Variants in CSMD1 observed in about 807,000 individuals in gnomAD.
CSMD1 encodes the protein CUB and Sushi multiple domains 1.
A neutral mutation model predicts 417.5 loss-of-function variants in CSMD1; 213 were observed. That is an observed-to-expected ratio of 0.51 (90% CI 0.46 to 0.57). The LOEUF (loss-of-function observed/expected upper bound fraction) is 0.57. CSMD1 is among the 20% of genes least tolerant of loss of function. The probability of loss-of-function intolerance (pLI) is 0.00; values close to 1 mark genes in which losing one functional copy is unlikely to be tolerated. For missense variants in CSMD1, 6,923 were observed against 4,529.7 expected (o/e 1.53, Z -15.17); for synonymous variants, 2,862 against 1,736.8 (o/e 1.65, Z -16.11).
chr8:4,957,540 A>T (rs2117315277), intron 1 of CSMD1, among the ~76,000 whole-genome samples: 1 of 152,334 alleles, frequency 6.6e-6, no homozygotes, highest in South Asian at 2.1e-4. Context: ...CTTATATGAG[A>T]AATTCATTGT....
intron 5 of CSMD1, among the ~76,000 whole-genome samples, chr8:3,882,145 C>A (rs1268147236): frequency 1.3e-5 from 2 of 151,944 alleles, no homozygotes; most frequent in Non-Finnish European, 2.9e-5. Flanking sequence ...ACAATTGGCT[C>A]CTCCACCAAG....
chr8:3,227,292 T>A (rs137862712), intron 27 of CSMD1, among the ~76,000 whole-genome samples: 1 of 142,886 alleles, frequency 7.0e-6, no homozygotes, highest in Admixed American at 7.3e-5. Context: ...TCCCAGCTAC[T>A]TGGGAGGCTG....
intron 3 of CSMD1, among the ~76,000 whole-genome samples, chr8:4,295,748 G>GTC (rs1483560744): frequency 2.6e-4 from 2 of 7,768 alleles, no homozygotes; most frequent in Non-Finnish European, 4.1e-4. Context: ...ATATGTGTGT[G>GTC]TGTATATATA....
chr8:3,637,025 A>T (rs1445140390), intron 7 of CSMD1, among the ~76,000 whole-genome samples: 1 of 152,096 alleles, frequency 6.6e-6, no homozygotes, highest in East Asian at 1.9e-4. Flanking sequence ...TCCACCATGG[A>T]ATAACGATGC....
rs1235688483 is a variant in CSMD1 at position 4,117,016 on chromosome 8, CT to C, written c.416-84918del. Among the ~76,000 whole-genome samples, 578 of 151,266 alleles carry C rather than the reference CT, an allele frequency of 3.8e-3. 6 individuals carry two copies. The highest frequency in any genetic ancestry group is 0.01 in the South Asian group (48 of 4,760). ...TCAGTAAGATGGCCTGACGCTTAACCTTTTTTTTTCTTTTCGCAGTTTGGAA... is the reference window on the plus strand; with the variant it reads ...TCAGTAAGATGGCCTGACGCTTAACCTTTTTTTTCTTTTCGCAGTTTGGAA... On this transcript the variant is annotated intron_variant, in intron 3 of 69. Coordinates refer to ENST00000635120, the MANE Select transcript of CSMD1 (RefSeq NM_033225.6).
At chr8:4,461,963 T>C (rs887736721) in intron 2 of CSMD1, among the ~76,000 whole-genome samples, 18 of 152,110 alleles carry the variant, frequency 1.2e-4, no homozygotes, top group Admixed American at 5.9e-4. Flanking sequence ...GGATGGGCTC[T>C]ATCTCCCGAC....
chr8:4,140,153 G>A (rs374275143), intron 3 of CSMD1, among the ~76,000 whole-genome samples: 5 of 150,662 alleles, frequency 3.3e-5, no homozygotes, highest in East Asian at 3.9e-4. Flanking sequence ...AGGGGTTTGC[G>A]ACCAGCCTGA....
At chr8:4,099,450 T>TC (rs1801191574) in intron 3 of CSMD1, among the ~76,000 whole-genome samples, 1 of 152,070 alleles carries the variant, frequency 6.6e-6, no homozygotes, top group Non-Finnish European at 1.5e-5. Flanking sequence ...AATACACCAT[T>TC]CCTAAGCCTC....
intron 6 of CSMD1, among the ~76,000 whole-genome samples, chr8:3,752,571 T>C (rs566311129): frequency 3.4e-5 from 5 of 148,554 alleles, no homozygotes; most frequent in Non-Finnish European, 7.4e-5. Context: ...GGAGAATCAC[T>C]TGAGCCCAGG....
chr8:3,501,200 C>A (rs1314512510), intron 10 of CSMD1, among the ~76,000 whole-genome samples: 2 of 152,184 alleles, frequency 1.3e-5, no homozygotes, highest in Non-Finnish European at 2.9e-5. Flanking sequence ...AATATATCAA[C>A]TGATCTCTAT....
At chr8:4,530,314 C>CTGTTTTTTTTTT (rs1796739393) in intron 2 of CSMD1, among the ~76,000 whole-genome samples, 1 of 46,658 alleles carries the variant, frequency 2.1e-5, no homozygotes, top group African/African-American at 8.5e-5. Context: ...ACAGGTAGTG[C>CTGTTTTTTTTTT]TTTTTTTTTT....
intron 5 of CSMD1, among the ~76,000 whole-genome samples, chr8:3,968,785 T>C (rs1430559666): frequency 6.6e-6 from 1 of 152,132 alleles, no homozygotes; most frequent in Non-Finnish European, 1.5e-5. Context: ...GGATTTGTAA[T>C]TACAATACAA....
intron 5 of CSMD1, among the ~76,000 whole-genome samples, chr8:3,767,535 T>A (rs1013163803): frequency 1.4e-4 from 21 of 152,340 alleles, no homozygotes; most frequent in African/African-American, 4.1e-4. Context: ...TGATCCTCAC[T>A]TTATCCCATA....
intron 3 of CSMD1, among the ~76,000 whole-genome samples, chr8:4,217,175 T>C (rs1800733710): frequency 6.6e-6 from 1 of 152,238 alleles, no homozygotes; most frequent in Non-Finnish European, 1.5e-5. Flanking sequence ...ATACTTTTCA[T>C]GCCGCTGCTT....
At position 3,216,704 on chromosome 8, in the gene CSMD1, A is replaced by G. The variant is rs139661177; in HGVS notation, c.4673-2013T>C. On this transcript the variant is annotated intron_variant, in intron 29 of 69. Coordinates refer to ENST00000635120, the MANE Select transcript of CSMD1 (RefSeq NM_033225.6). ...GCCAGGCTTCTAACTAGATGACTTC[A>G]TAACAGGGTGTATTTTGTGTTGTCC... Among the ~76,000 whole-genome samples the G allele has an allele frequency of 7.9e-5, 12 of 152,334 alleles. 1 individual carries two copies. The East Asian group carries it at 2.3e-3, about 29-fold the overall frequency.
chr8:3,184,907 C>T (rs1438011249), intron 36 of CSMD1, among the ~76,000 whole-genome samples: 1 of 152,156 alleles, frequency 6.6e-6, no homozygotes, highest in Non-Finnish European at 1.5e-5. Flanking sequence ...TTGACAAGTC[C>T]CTGCTCCAAA....
rs370097800 is a variant in CSMD1, at chr8:4,073,128, G to C, written c.416-41029C>G. On this transcript the variant is annotated intron_variant, in intron 3 of 69. Transcript: ENST00000635120. ...TGTTACCATCATGATTCTAGAAATT[G>C]GCAGAACATGAAAACTTTTGTGATT... 9.2e-5 allele frequency among the ~76,000 whole-genome samples: 14 copies of C among 152,142 alleles called. No homozygotes were observed. In the South Asian group the frequency reaches 2.1e-3, roughly 23 times the overall value.
intron 54 of CSMD1, among the ~76,000 whole-genome samples, chr8:2,992,794 A>G (rs541100353): frequency 3.8e-4 from 57 of 151,916 alleles, no homozygotes; most frequent in Non-Finnish European, 2.6e-4. Context: ...CCAGGCTGGA[A>G]GTGCCGTGTC....
chr8:4,252,331 G>A (rs1803137246), intron 3 of CSMD1, among the ~76,000 whole-genome samples: 1 of 152,170 alleles, frequency 6.6e-6, no homozygotes. Flanking sequence ...TCTCTACAAT[G>A]AAGAATATGT....
Sources: gnomAD v4.1 joint callset for allele counts (sites outside exome capture counted in the v4.1 genomes callset) on GRCh38, gnomAD v4.1.1 for gene constraint, MANE v1.5 for transcripts, NCBI Gene and HGNC (gene_info 2026-07-23, HGNC 2026-07-21) for gene names.